Variants in ZNF653 observed in about 807,000 individuals in gnomAD.
ZNF653 encodes the protein zinc finger protein 653, also known as 67 kDa zinc finger protein.
Under a neutral mutation model 59.9 loss-of-function variants are expected in ZNF653, and 37 were observed. The ratio of observed to expected loss-of-function variants is 0.62; its 90% CI spans 0.48 to 0.81. ZNF653 has a LOEUF of 0.81. ZNF653 is among the 40% of genes least tolerant of loss of function. The pLI is 0.00. For synonymous variants in ZNF653, 435 were observed against 371.8 expected (o/e 1.17, Z -1.96); for missense variants, 808 against 881.1 (o/e 0.92, Z 1.05).
Position 11,505,622 on chromosome 19 carries a change from G to A in ZNF653, c.165C>T (p.Tyr55=). 6.7e-7 allele frequency: 1 copy of A among 1,502,682 alleles called. No homozygotes were observed. Among genetic ancestry groups the A allele is most frequent in the South Asian group, 1.2e-5 (1 of 80,202 alleles). 93.1% of individuals were successfully genotyped at this position (1,502,682 alleles called of 1,614,324 possible). ...ARRRLESRKK[Y]DVRRVYLGEA... ...CGCCCAGGTACACGCGCCGCACGTCGTACTTCTTCCGGGACTCGAGCCGTC... is the reference window on the plus strand; with the variant it reads ...CGCCCAGGTACACGCGCCGCACGTCATACTTCTTCCGGGACTCGAGCCGTC... Residue 55 remains tyrosine (Y), a synonymous_variant, in exon 1 of 9, where the codon TAC becomes TAT. Coordinates refer to ENST00000293771, the MANE Select transcript of ZNF653 (RefSeq NM_138783.4).
chr19:11,500,179 C>A (rs754176024), intron 1 of ZNF653, among the ~76,000 whole-genome samples: 16 of 152,172 alleles, frequency 1.1e-4, no homozygotes, highest in Non-Finnish European at 2.4e-4. Flanking sequence ...GTCCCACACC[C>A]GTCTGGTTCC....
At position 11,495,935 on chromosome 19, in the gene ZNF653, G is replaced by A. The variant is rs747711297; in HGVS notation, c.559+15C>T. The stretch of plus-strand genomic sequence containing the variant: ...AATGGGCGGCCCCCTATGTGCCCTC[G>A]CCCTGCAGACCTACCTTTGTCACTG... On this transcript the variant is annotated intron_variant, in intron 3 of 8. Transcript: ENST00000293771. This position sits in a 1 kb window ranked among gnomAD's most constrained non-coding sequence, Gnocchi z 4.9. 1.7e-5 allele frequency: 27 copies of A among 1,611,482 alleles called. 1 individual carries two copies. Among genetic ancestry groups the A allele is most frequent in the East Asian group, 2.2e-5 (1 of 44,828 alleles).
At chr19:11,484,330 C>A (rs867624316) in intron 7 of ZNF653, among the ~76,000 whole-genome samples, 189 bp from the exon 8 acceptor site, 1 of 152,022 alleles carries the variant, frequency 6.6e-6, no homozygotes, top group Admixed American at 6.6e-5. Flanking sequence ...GAACTGAGAT[C>A]GAACTTGGGT....
rs1465744094 is a variant in ZNF653, at chr19:11,487,090, T to C, written c.1240A>G (p.Thr414Ala). ...EEPVAPELAT[T>A]VPESAEPEAE... ...TCAGGCTCTGCGCTCTCAGGCACCG[T>C]TGTTGCCAGCTCCGGGGCTACTGGC... Residue 414 changes from threonine (T) to alanine (A), a missense_variant, in exon 5 of 9, where the codon ACG becomes GCG. By Grantham distance (58) the Thr-to-Ala change is moderately conservative (BLOSUM62 0). Transcript: ENST00000293771. This position sits in a 1 kb window ranked among gnomAD's most constrained non-coding sequence, Gnocchi z 5.1. 1 of 1,613,980 alleles carries C rather than the reference T, an allele frequency of 6.2e-7. No homozygotes were observed. Among genetic ancestry groups the C allele is most frequent in the Non-Finnish European group, 8.5e-7 (1 of 1,180,004 alleles).
intron 2 of ZNF653, among the ~76,000 whole-genome samples, chr19:11,496,839 C>T (rs540750361): frequency 6.6e-6 from 1 of 152,308 alleles, no homozygotes; most frequent in East Asian, 1.9e-4. Flanking sequence ...TGCACTCCAG[C>T]CTGGATGACA....
rs1176151272 is a variant in ZNF653, at chr19:11,495,167, G to A, written c.559+783C>T. Among the ~76,000 whole-genome samples the A allele has an allele frequency of 1.3e-5, 2 of 152,134 alleles. No homozygotes were observed. Among genetic ancestry groups the A allele is most frequent in the South Asian group, 2.1e-4 (1 of 4,820 alleles). On this transcript the variant is annotated intron_variant, in intron 3 of 8. Transcript: ENST00000293771. The surrounding 1 kb of genome is among the most constrained non-coding windows in gnomAD (Gnocchi z 4.9). The stretch of plus-strand genomic sequence containing the variant: ...CAGGACGCCTGGCAGTGTGCCCTAC[G>A]CTCCTTCTCCAGCCATTGCCGAACC...
rs777037566 is a variant in ZNF653 at position 11,487,296 on chromosome 19, C to T, written c.1167G>A (p.Lys389=). The part of the protein sequence containing the change: ...DATAVAGIET[K]KEKEDLCLLK... ...GCCACGACAGGTCCCCCAGACCTTT[C>T]TTGGTCTCGATGCCTGCTACTGCGG... The change falls in exon 4 of 9, where the codon AAG becomes AAA. Residue 389 remains lysine, a synonymous_variant. Transcript: ENST00000293771. This position sits in a 1 kb window ranked among gnomAD's most constrained non-coding sequence, Gnocchi z 5.1. 2.5e-6 allele frequency: 4 copies of T among 1,610,874 alleles called. No individual in the cohort carries two copies. The highest frequency in any genetic ancestry group is 3.3e-5 in the Admixed American group (2 of 59,902).
intron 1 of ZNF653, 123 bp downstream of exon 1, chr19:11,505,365 C>G (rs1445526783): frequency 9.3e-7 from 1 of 1,079,086 alleles, no homozygotes; most frequent in Non-Finnish European, 1.2e-6. Flanking sequence ...GGCCGCCGGC[C>G]CGGCTCCTGG....
intron 3 of ZNF653, among the ~76,000 whole-genome samples, chr19:11,490,584 G>A (rs1971519917): frequency 6.6e-6 from 1 of 151,972 alleles, no homozygotes; most frequent in Admixed American, 6.6e-5. Context: ...GTAGAGATGG[G>A]TTTTCATCAT....
Position 11,494,666 on chromosome 19 carries a change from C to A in ZNF653, c.559+1284G>T, listed in dbSNP as rs542779476. Among the ~76,000 whole-genome samples, 18 of 152,212 alleles carry A rather than the reference C, an allele frequency of 1.2e-4. 1 individual carries two copies. In the South Asian group the frequency reaches 3.5e-3, roughly 30 times the overall value. On this transcript the variant is annotated intron_variant, in intron 3 of 8. Transcript: ENST00000293771. ...TCGCGCCATTGCACTCCAGCCTGGG[C>A]GACAAGAGCGAGACCCTGTCTCAGA...
At chr19:11,493,857 A>G (rs1242297191) in intron 3 of ZNF653, among the ~76,000 whole-genome samples, 2 of 151,906 alleles carry the variant, frequency 1.3e-5, no homozygotes, top group African/African-American at 4.8e-5. Context: ...CATCTCTACA[A>G]AAAATTTAAA....
chr19:11,494,893 G>C (rs1310087508), intron 3 of ZNF653, among the ~76,000 whole-genome samples: 3 of 152,196 alleles, frequency 2.0e-5, no homozygotes, highest in Non-Finnish European at 2.9e-5. Context: ...GGCAGGGCCA[G>C]GAGTGGCACA....
Position 11,487,172 on chromosome 19 carries a change from A to G in ZNF653, c.1172-14T>C. On this transcript the variant is annotated splice_polypyrimidine_tract_variant and intron_variant, in intron 4 of 8. Transcript: ENST00000293771. This position sits in a 1 kb window ranked among gnomAD's most constrained non-coding sequence, Gnocchi z 5.1. ...GGTCCTCCTTCTCTACAGGGTGGAC[A>G]CAGGGTGGTGTCCGCAGGGGACGAA... The G allele has an allele frequency of 6.2e-7, 1 of 1,609,872 alleles. No homozygotes were observed. Among genetic ancestry groups the G allele is most frequent in the South Asian group, 1.1e-5 (1 of 91,032 alleles).
chr19:11,484,727 G>T (rs1280289563), intron 7 of ZNF653, among the ~76,000 whole-genome samples: 1 of 151,788 alleles, frequency 6.6e-6, no homozygotes, highest in African/African-American at 2.4e-5. Flanking sequence ...AACTTTGGGT[G>T]ATTTCGCAAA....
chr19:11,490,535 C>G (rs559968242), intron 3 of ZNF653, among the ~76,000 whole-genome samples: 2 of 151,988 alleles, frequency 1.3e-5, no homozygotes, highest in Admixed American at 1.3e-4. Context: ...TACAGGCACA[C>G]GCCACCATGT....
In ZNF653 at chr19:11,483,627, C is replaced by T. The variant is rs1192470944; in HGVS notation, c.*55G>A. ...CGCAGCTGTCCAGGCCCCGGCAAGCCCGGGCGTGGTGTCCGAGCGGACGAA... is the reference window on the plus strand; with the variant it reads ...CGCAGCTGTCCAGGCCCCGGCAAGCTCGGGCGTGGTGTCCGAGCGGACGAA... On this transcript the variant is annotated 3_prime_UTR_variant, in exon 9 of 9. Coordinates refer to ENST00000293771, the MANE Select transcript of ZNF653 (RefSeq NM_138783.4). The T allele has an allele frequency of 2.3e-5, 36 of 1,580,796 alleles. No homozygotes were observed. Among genetic ancestry groups the T allele is most frequent in the Non-Finnish European group, 2.6e-5 (30 of 1,157,506 alleles).
At chr19:11,497,498 T>A (rs1255680904) in intron 2 of ZNF653, among the ~76,000 whole-genome samples, 1 of 152,084 alleles carries the variant, frequency 6.6e-6, no homozygotes, top group Non-Finnish European at 1.5e-5. Flanking sequence ...GGGATTCCCA[T>A]CCCGGAGGGC....
chr19:11,504,444 A>G (rs1286534525), intron 1 of ZNF653: 9 of 810,262 alleles, frequency 1.1e-5, no homozygotes, highest in Non-Finnish European at 1.2e-5. Flanking sequence ...AAAACCCCCC[A>G]GACCTTTGAA....
At chr19:11,502,239 G>A (rs1464144394) in intron 1 of ZNF653, among the ~76,000 whole-genome samples, 1 of 152,178 alleles carries the variant, frequency 6.6e-6, no homozygotes. Context: ...CTACAGGCGT[G>A]CGCCACCATG....
Sources: gnomAD v4.1 joint callset for allele counts (sites outside exome capture counted in the v4.1 genomes callset) on GRCh38, gnomAD v4.1.1 for gene constraint, Gnocchi (gnomAD v3.1) non-coding constraint, MANE v1.5 for transcripts, NCBI Gene and HGNC (gene_info 2026-07-23, HGNC 2026-07-21) for gene names.